Variants in MFSD8 observed in about 807,000 individuals in gnomAD.
The protein encoded by MFSD8 is major facilitator superfamily domain containing 8.
A neutral mutation model predicts 66.4 loss-of-function variants in MFSD8; 55 were observed. The observed-to-expected ratio is 0.83, with a 90% CI of 0.67 to 1.04. The LOEUF is 1.04. Among genes scored for constraint, MFSD8 ranks in the 50% least tolerant of loss-of-function variants. The pLI, the probability that MFSD8 is intolerant of heterozygous loss-of-function variation, is 0.00. For synonymous variants in MFSD8, 202 were observed against 212.8 expected (o/e 0.95, Z 0.44); for missense variants, 550 against 627.6 (o/e 0.88, Z 1.32).
chr4:127,927,386 G>C lies in MFSD8; in HGVS notation c.998+3297C>G, dbSNP rs184115690. ...CGACGGGGTTTCACCACGTTGGCCG[G>C]GCTGGTCTCGAACTTCTGACCTCAG... On this transcript the variant is annotated intron_variant, in intron 9 of 11. Coordinates refer to ENST00000641686, the MANE Select transcript of MFSD8 (RefSeq NM_001371596.2). 1.6e-4 allele frequency among the ~76,000 whole-genome samples: 25 copies of C among 152,256 alleles called. No homozygotes were observed. In the East Asian group the frequency reaches 4.8e-3, roughly 29 times the overall value.
intron 8 of MFSD8, 194 bp downstream of exon 8, chr4:127,932,791 G>A: frequency 3.9e-6 from 2 of 506,992 alleles, no homozygotes; most frequent in East Asian, 3.4e-5. Flanking sequence ...AGATAAGGTA[G>A]TTAAGATTAT....
At chr4:127,955,991 C>T (rs760264165) in intron 2 of MFSD8, among the ~76,000 whole-genome samples, 1 of 151,872 alleles carries the variant, frequency 6.6e-6, no homozygotes, top group Non-Finnish European at 1.5e-5. Context: ...TGATAGCGTG[C>T]GCCTGTAGTC....
chr4:127,949,582 T>C (rs967291792), intron 3 of MFSD8, among the ~76,000 whole-genome samples: 2 of 152,212 alleles, frequency 1.3e-5, no homozygotes, highest in African/African-American at 2.4e-5. Flanking sequence ...TATGATCCTA[T>C]TTTTCCTTAC....
At chr4:127,924,782 A>G (rs923444363) in intron 9 of MFSD8, among the ~76,000 whole-genome samples, 1 of 152,198 alleles carries the variant, frequency 6.6e-6, no homozygotes, top group African/African-American at 2.4e-5. Context: ...CCATATAGCC[A>G]AGACAATCCT....
chr4:127,930,624 G>A, intron 9 of MFSD8, 59 bp downstream of exon 9: 1 of 1,583,102 alleles, frequency 6.3e-7, no homozygotes, highest in Non-Finnish European at 8.7e-7. Context: ...TGCATTGTTA[G>A]CTCTGTTTTT....
chr4:127,944,918 C>G (rs1049218608), intron 3 of MFSD8, among the ~76,000 whole-genome samples: 20 of 152,190 alleles, frequency 1.3e-4, no homozygotes, highest in African/African-American at 4.3e-4. Context: ...ATCCTCCTGC[C>G]GCGGGAGGGA....
rs768716517 is a variant in MFSD8, at chr4:127,929,237, C to T, written c.998+1446G>A. Among the ~76,000 whole-genome samples the T allele has an allele frequency of 3.5e-5, 5 of 141,470 alleles. No homozygotes were observed. The East Asian group carries it at 6.4e-4, about 18-fold the overall frequency. The allele number at this position is 141,470 out of a possible 152,430, so 92.8% of individuals were successfully genotyped here. A position where few individuals can be genotyped will look rare whatever the true frequency, so the allele number is the denominator to read the frequency against. ...ACTTGGGAGGCTGAGGCGTGAGAAT[C>T]GCTGGAACCCAGGAGGTGGAGGTTG... On this transcript the variant is annotated intron_variant, in intron 9 of 11. Transcript: ENST00000641686.
chr4:127,953,550 T>A (rs927345614), intron 2 of MFSD8, among the ~76,000 whole-genome samples: 3 of 134,316 alleles, frequency 2.2e-5, no homozygotes, highest in Non-Finnish European at 4.8e-5. Context: ...TCTGTTTTTT[T>A]TTTTTTTTTT....
At chr4:127,939,308 AGT>A (rs1739685989) in intron 6 of MFSD8, 1 of 155,948 alleles carries the variant, frequency 6.4e-6, no homozygotes, top group Admixed American at 6.4e-5. Context: ...AGCAACATGT[AGT>A]TAGTAAATCA....
At chr4:127,939,659 T>A (rs1739801894) in intron 6 of MFSD8, 194 bp downstream of exon 6, 2 of 459,098 alleles carry the variant, frequency 4.4e-6, no homozygotes, top group African/African-American at 2.1e-5. Flanking sequence ...ACCTTCCTTT[T>A]CTGTTCTCAT....
At chr4:127,958,793 TTGAG>T (rs1377801189) in intron 1 of MFSD8, among the ~76,000 whole-genome samples, 1 of 151,014 alleles carries the variant, frequency 6.6e-6, no homozygotes, top group Non-Finnish European at 1.5e-5. Context: ...ATAAAATTGT[TTGAG>T]TGACTGATTT....
rs924270202 is a variant in MFSD8, at chr4:127,918,336, C to T, written c.*2294G>A. On this transcript the variant is annotated 3_prime_UTR_variant, in exon 12 of 12. Transcript: ENST00000641686. ...TACTTCCTTTCGCCTTCTTTTGTGC[C>T]AAGATGAGCAAGGTATAATCCTCCA... 2.6e-5 allele frequency: 4 copies of T among 152,024 alleles called. No individual in the cohort carries two copies. The highest frequency in any genetic ancestry group is 5.9e-5 in the Non-Finnish European group (4 of 68,012). 9.4% of individuals were successfully genotyped at this position (152,024 alleles called of 1,614,324 possible).
intron 2 of MFSD8, among the ~76,000 whole-genome samples, chr4:127,954,012 C>A (rs890248622): frequency 1.1e-4 from 16 of 152,008 alleles, no homozygotes; most frequent in African/African-American, 3.9e-4. Context: ...GGGAAAGAGA[C>A]CACTTGTAAT....
In MFSD8 at chr4:127,921,447, T is replaced by C. The variant is rs529700427; in HGVS notation, c.1350+77A>G. On this transcript the variant is annotated intron_variant, in intron 11 of 11. Transcript: ENST00000641686. ...TCCCTCAAATCAGTCTGTGTAAAAA[T>C]AGAGAATGGCAGCAAAAAATGTTGA... 33 of 1,608,662 alleles carry C rather than the reference T, an allele frequency of 2.1e-5. No homozygotes were observed. The Admixed American group carries it at 3.7e-4, about 18-fold the overall frequency.
At chr4:127,952,412 T>A (rs892384194) in intron 2 of MFSD8, among the ~76,000 whole-genome samples, 16 of 151,534 alleles carry the variant, frequency 1.1e-4, no homozygotes, top group East Asian at 2.0e-4. Flanking sequence ...TCAAAAAAAA[T>A]AAATAAATAA....
intron 8 of MFSD8, among the ~76,000 whole-genome samples, chr4:127,931,447 T>C (rs575771741): frequency 6.6e-6 from 1 of 152,310 alleles, no homozygotes; most frequent in Non-Finnish European, 1.5e-5. Flanking sequence ...AACCTCCATC[T>C]CCTGGGTTCA....
chr4:127,953,436 C>A lies in MFSD8; in HGVS notation c.155-3589G>T, dbSNP rs1462909559. On this transcript the variant is annotated intron_variant, in intron 2 of 11. Coordinates refer to ENST00000641686, the MANE Select transcript of MFSD8 (RefSeq NM_001371596.2). ...ACGGGAGGCTGAGGTTGCAGTGAGC[C>A]AAGATCGTGCCACTGCACTCAGCTC... Among the ~76,000 whole-genome samples the A allele has an allele frequency of 2.8e-5, 4 of 141,726 alleles. No homozygotes were observed. In the East Asian group the frequency reaches 6.4e-4, roughly 23 times the overall value. The allele number at this position is 141,726 out of a possible 152,430, so 93.0% of individuals were successfully genotyped here.
chr4:127,958,610 T>C (rs555938153), intron 1 of MFSD8, among the ~76,000 whole-genome samples: 4 of 152,144 alleles, frequency 2.6e-5, no homozygotes, highest in Non-Finnish European at 5.9e-5. Context: ...TAAACAAACC[T>C]CTTCTGAGTC....
At chr4:127,963,415 A>C (rs1378524045) in intron 1 of MFSD8, among the ~76,000 whole-genome samples, 1 of 152,228 alleles carries the variant, frequency 6.6e-6, no homozygotes, top group Non-Finnish European at 1.5e-5. Context: ...GGTCTCACTG[A>C]CTTCAAGAAT....
Sources: gnomAD v4.1 joint callset for allele counts (sites outside exome capture counted in the v4.1 genomes callset) on GRCh38, gnomAD v4.1.1 for gene constraint, MANE v1.5 for transcripts, NCBI Gene and HGNC (gene_info 2026-07-23, HGNC 2026-07-21) for gene names.